The following SAA1 variants were observed in gnomAD, a reference collection of about 807,000 sequenced individuals.
The protein encoded by SAA1 is serum amyloid A-1 protein.
A neutral mutation model predicts 9.8 loss-of-function variants in SAA1; 4 were observed. The observed-to-expected ratio is 0.41, with a 90% CI of 0.20 to 0.93. SAA1 has a LOEUF of 0.93. Ranked by LOEUF, SAA1 falls within the 40% of genes least tolerant of loss-of-function variation. The probability of loss-of-function intolerance (pLI) is 0.33; values close to 1 mark genes in which losing one functional copy is unlikely to be tolerated. For missense variants in SAA1, 114 were observed against 155.5 expected (o/e 0.73, Z 1.42); for synonymous variants, 47 against 57.7 (o/e 0.82, Z 0.84).
In SAA1 at chr11:18,269,243, A is replaced by G. The variant is rs1564911851; in HGVS notation, c.140A>G (p.Tyr47Cys). 3.1e-6 allele frequency: 5 copies of G among 1,603,602 alleles called. No homozygotes were observed. The Middle Eastern group carries it at 5.0e-4, about 160-fold the overall frequency. The change falls in exon 3 of 4, where the codon TAC becomes TGC. Residue 47 changes from tyrosine (Y) to cysteine (C), a missense_variant. Physicochemically the swap from Tyr to Cys is radical, Grantham distance 194 (BLOSUM62 -2). Around this residue, in one of 2 missense-constraint regions of SAA1, gnomAD observed 46 missense variants for 100.8 expected, o/e 0.46. Transcript: ENST00000356524. ...RAYSDMREANYIGSDKYFHAR... is the reference protein window; with the variant it reads ...RAYSDMREANCIGSDKYFHAR... ...TACTCTGACATGAGAGAAGCCAATT[A>G]CATCGGCTCAGACAAATACTTCCAT...
intron 2 of SAA1, among the ~76,000 whole-genome samples, chr11:18,268,084 A>G (rs1374713632): frequency 2.0e-5 from 3 of 151,942 alleles, no homozygotes; most frequent in African/African-American, 4.8e-5. Flanking sequence ...TCTCTGGGTG[A>G]TTAGAAAGTG....
intron 3 of SAA1, 106 bp downstream of exon 3, chr11:18,269,439 C>T: frequency 3.2e-6 from 5 of 1,540,642 alleles, no homozygotes; most frequent in South Asian, 2.5e-5. Flanking sequence ...GGCTGCGGCC[C>T]CTCCTCCTCT....
intron 2 of SAA1, among the ~76,000 whole-genome samples, chr11:18,267,708 G>A (rs1858076640): frequency 8.9e-6 from 1 of 112,740 alleles, no homozygotes; most frequent in African/African-American, 3.3e-5. Flanking sequence ...CGTGCCTCAA[G>A]CCCCCACAAG....
At chr11:18,269,445 C>T (rs1461333323) in intron 3 of SAA1, 112 bp downstream of exon 3, 18 of 1,527,386 alleles carry the variant, frequency 1.2e-5, no homozygotes, top group Non-Finnish European at 8.8e-7. Flanking sequence ...GGCCCCTCCT[C>T]CTCTTGCCCT....
chr11:18,268,119 C>G (rs1363352199), intron 2 of SAA1, among the ~76,000 whole-genome samples: 3 of 151,950 alleles, frequency 2.0e-5, no homozygotes, highest in African/African-American at 7.3e-5. Flanking sequence ...GCCTGTAATT[C>G]CAGCACTTTG....
chr11:18,269,781 G>A lies in SAA1; in HGVS notation c.295G>A (p.Ala99Thr), dbSNP rs545246718. Reference sequence around the variant, plus strand: ...TGCGGAGGACTCGCTGGCTGATCAGGCTGCCAATGAATGGGGCAGGAGTGG... The same window carrying A: ...TGCGGAGGACTCGCTGGCTGATCAGACTGCCAATGAATGGGGCAGGAGTGG... ...HGAEDSLADQ[A>T]ANEWGRSGKD... The change falls in exon 4 of 4, where the codon GCT (alanine) becomes ACT (threonine). Residue 99 changes from alanine to threonine, a missense_variant. By Grantham distance (58) the Ala-to-Thr change is moderately conservative. Coordinates refer to ENST00000356524, the MANE Select transcript of SAA1 (RefSeq NM_199161.5). The A allele has an allele frequency of 5.0e-6, 8 of 1,614,122 alleles. No homozygotes were observed. Among genetic ancestry groups the A allele is most frequent in the Non-Finnish European group, 6.8e-6 (8 of 1,179,974 alleles).
rs1427858364 is a variant in SAA1, at chr11:18,268,057, C to G, written c.91+1079C>G. On this transcript the variant is annotated intron_variant, in intron 2 of 3. Transcript: ENST00000356524. ...ACTGGCCTGGGGTGTGGCCTGGGCA[C>G]TGGGACTTTCAGTTTCTCTCTGGGT... Among the ~76,000 whole-genome samples the G allele has an allele frequency of 2.0e-5, 3 of 152,010 alleles. No homozygotes were observed. In the South Asian group the frequency reaches 6.2e-4, roughly 32 times the overall value.
intron 3 of SAA1, 59 bp downstream of exon 3, chr11:18,269,392 G>A: frequency 6.7e-7 from 1 of 1,503,080 alleles, no homozygotes; most frequent in South Asian, 1.4e-5. Context: ...GCCTTGGACA[G>A]TCAGGAGGGA....
In SAA1 at chr11:18,266,935, C is replaced by T; in HGVS notation, c.48C>T (p.Val16=). ...GLVFCSLVLG[V]SSRSFFSFLG... The stretch of plus-strand genomic sequence containing the variant: ...TTTTCTGCTCCTTGGTCCTGGGTGT[C>T]AGCAGCCGAAGCTTCTTTTCGTTCC... Residue 16 remains valine, a synonymous_variant, in exon 2 of 4, where the codon GTC becomes GTT. Transcript: ENST00000356524. 6.2e-7 allele frequency: 1 copy of T among 1,612,216 alleles called. No individual in the cohort carries two copies. The highest frequency in any genetic ancestry group is 8.5e-7 in the Non-Finnish European group (1 of 1,179,616).
At position 18,266,945 on chromosome 11, in the gene SAA1, A is replaced by G; in HGVS notation, c.58A>G (p.Ser20Gly). Reference protein sequence around the residue: ...CSLVLGVSSRSFFSFLGEAFD... With the variant: ...CSLVLGVSSRGFFSFLGEAFD... The stretch of plus-strand genomic sequence containing the variant: ...CTTGGTCCTGGGTGTCAGCAGCCGA[A>G]GCTTCTTTTCGTTCCTTGGCGAGGC... The change falls in exon 2 of 4, where the codon AGC (serine) becomes GGC (glycine). Residue 20 changes from serine to glycine, a missense_variant. Ser to Gly is a moderately conservative substitution (Grantham distance 56). Coordinates refer to ENST00000356524, the MANE Select transcript of SAA1 (RefSeq NM_199161.5). The G allele has an allele frequency of 6.2e-7, 1 of 1,611,468 alleles. No homozygotes were observed. Among genetic ancestry groups the G allele is most frequent in the Non-Finnish European group, 8.5e-7 (1 of 1,179,380 alleles).
chr11:18,269,832 G>A lies in SAA1; in HGVS notation c.346G>A (p.Ala116Thr). ...CAAAGACCCCAATCACTTCCGACCTGCTGGCCTGCCTGAGAAATACTGAGC... is the reference window on the plus strand; with the variant it reads ...CAAAGACCCCAATCACTTCCGACCTACTGGCCTGCCTGAGAAATACTGAGC... The part of the protein sequence containing the change: ...SGKDPNHFRP[A>T]GLPEKY Residue 116 changes from alanine (A) to threonine (T), a missense_variant, in exon 4 of 4, where the codon GCT becomes ACT. Ala to Thr is a moderately conservative substitution (Grantham distance 58, BLOSUM62 0). This residue lies in a region of SAA1 where 68 missense variants were observed against 54.7 expected (regional missense o/e 1.24). Coordinates refer to ENST00000356524, the MANE Select transcript of SAA1 (RefSeq NM_199161.5). 1.2e-6 allele frequency: 2 copies of A among 1,614,194 alleles called. No homozygotes were observed. The highest frequency in any genetic ancestry group is 1.7e-6 in the Non-Finnish European group (2 of 1,180,030).
intron 2 of SAA1, among the ~76,000 whole-genome samples, chr11:18,268,812 G>A (rs1219722578): frequency 4.6e-5 from 6 of 130,354 alleles, no homozygotes; most frequent in Admixed American, 1.7e-4. Flanking sequence ...CAGCCTGGGC[G>A]ACAGAGCAAG....
Position 18,269,912 on chromosome 11 carries a change from T to A in SAA1, c.*57T>A, listed in dbSNP as rs552063508. 13 of 1,605,316 alleles carry A rather than the reference T, an allele frequency of 8.1e-6. No individual in the cohort carries two copies. The South Asian group carries it at 1.4e-4, about 18-fold the overall frequency. On this transcript the variant is annotated 3_prime_UTR_variant, in exon 4 of 4. Transcript: ENST00000356524. ...GGCTGTGAGGCCCTCAGGGCAGGGA[T>A]ACAAAGCGGGGAGAGGGTACACAAT... is the stretch of plus-strand genomic sequence containing the variant.
At chr11:18,268,674 A>T (rs1196683210) in intron 2 of SAA1, among the ~76,000 whole-genome samples, 1 of 152,026 alleles carries the variant, frequency 6.6e-6, no homozygotes, top group Non-Finnish European at 1.5e-5. Flanking sequence ...CTCTACTAAA[A>T]ATACAAAAAT....
intron 2 of SAA1, among the ~76,000 whole-genome samples, chr11:18,267,864 G>T (rs1310249514): frequency 7.2e-6 from 1 of 139,266 alleles, no homozygotes; most frequent in Non-Finnish European, 1.6e-5. Flanking sequence ...CTGCCAGTCA[G>T]CAGGTGGCAG....
In SAA1 at chr11:18,269,315, G is replaced by C. The variant is rs1858144859; in HGVS notation, c.212G>C (p.Trp71Ser). 1 of 1,517,394 alleles carries C rather than the reference G, an allele frequency of 6.6e-7. No individual in the cohort carries two copies. Among genetic ancestry groups the C allele is most frequent in the Non-Finnish European group, 8.8e-7 (1 of 1,133,178 alleles). 94.0% of individuals were successfully genotyped at this position (1,517,394 alleles called of 1,614,324 possible). A position where few individuals can be genotyped will look rare whatever the true frequency, so the allele number is the denominator to read the frequency against. ...GCCAAAAGGGGACCTGGGGGTGCCTGGGCTGCAGAAGTGATCACGTAACTG... is the reference window on the plus strand; with the variant it reads ...GCCAAAAGGGGACCTGGGGGTGCCTCGGCTGCAGAAGTGATCACGTAACTG... ...DAAKRGPGGA[W>S]AAEVITDARE... The change falls in exon 3 of 4, where the codon TGG becomes TCG. Residue 71 changes from tryptophan to serine, a missense_variant. By Grantham distance (177) the Trp-to-Ser change is radical. Transcript: ENST00000356524.
chr11:18,269,963 T>C lies in SAA1; in HGVS notation c.*108T>C. 2 of 1,534,344 alleles carry C rather than the reference T, an allele frequency of 1.3e-6. No individual in the cohort carries two copies. Among genetic ancestry groups the C allele is most frequent in the South Asian group, 2.6e-5 (2 of 77,418 alleles). On this transcript the variant is annotated 3_prime_UTR_variant, in exon 4 of 4. Coordinates refer to ENST00000356524, the MANE Select transcript of SAA1 (RefSeq NM_199161.5). ...GGGTATCTAATAAATACTTAAGAGG[T>C]GGAATTTGTGGAAACTGGGTGTTAT...
Position 18,267,972 on chromosome 11 carries a change from G to T in SAA1, c.91+994G>T, listed in dbSNP as rs541907237. ...AGAGGTTGATGGTTATGAATCTCAG[G>T]CACACCTTGGCATCACCTGAAATAC... On this transcript the variant is annotated intron_variant, in intron 2 of 3. Transcript: ENST00000356524. 1.5e-4 allele frequency among the ~76,000 whole-genome samples: 22 copies of T among 151,210 alleles called. No individual in the cohort carries two copies. The East Asian group carries it at 4.3e-3, about 29-fold the overall frequency.
In SAA1 at chr11:18,269,870, C is replaced by G; in HGVS notation, c.*15C>G. 2 of 1,613,740 alleles carry G rather than the reference C, an allele frequency of 1.2e-6. No individual in the cohort carries two copies. The highest frequency in any genetic ancestry group is 1.7e-6 in the Non-Finnish European group (2 of 1,179,882). On this transcript the variant is annotated 3_prime_UTR_variant, in exon 4 of 4. Coordinates refer to ENST00000356524, the MANE Select transcript of SAA1 (RefSeq NM_199161.5). ...AGAAATACTGAGCTTCCTCTTCACT[C>G]TGCTCTCAGGAGATCTGGCTGTGAG...
Sources: gnomAD v4.1 joint callset for allele counts (sites outside exome capture counted in the v4.1 genomes callset) on GRCh38, gnomAD v4.1.1 for gene constraint, gnomAD v4.1.1 regional missense constraint, MANE v1.5 for transcripts, NCBI Gene and HGNC (gene_info 2026-07-23, HGNC 2026-07-21) for gene names.